Variants in ZNF704 observed in about 807,000 individuals in gnomAD.
ZNF704 encodes zinc finger protein 704.
Under a neutral mutation model 44.7 loss-of-function variants are expected in ZNF704, and 10 were observed. The observed-to-expected ratio is 0.22, with a 90% CI of 0.14 to 0.38. The LOEUF (loss-of-function observed/expected upper bound fraction) is 0.38. Ranked by LOEUF, ZNF704 falls within the 10% of genes least tolerant of loss-of-function variation. The probability of loss-of-function intolerance (pLI) is 1.00; values close to 1 mark genes in which losing one functional copy is unlikely to be tolerated. For synonymous variants in ZNF704, 211 were observed against 207.6 expected (o/e 1.02, Z -0.14); for missense variants, 390 against 545.5 (o/e 0.71, Z 2.84).
At chr8:80,816,017 A>G (rs963406181) in intron 2 of ZNF704, among the ~76,000 whole-genome samples, 2 of 152,164 alleles carry the variant, frequency 1.3e-5, no homozygotes, top group Admixed American at 1.3e-4. Context: ...CTTTCAAAAA[A>G]TTTCACTCTT....
At chr8:80,764,406 C>T (rs1807192024) in intron 2 of ZNF704, among the ~76,000 whole-genome samples, 1 of 152,114 alleles carries the variant, frequency 6.6e-6, no homozygotes, top group Non-Finnish European at 1.5e-5. Flanking sequence ...ATCCCAGATG[C>T]TTATAAAACC....
intron 1 of ZNF704, among the ~76,000 whole-genome samples, chr8:80,828,692 A>G (rs1447249635): frequency 6.6e-6 from 1 of 152,268 alleles, no homozygotes; most frequent in Non-Finnish European, 1.5e-5. Context: ...GGCCATAAGC[A>G]TAAATCATTT....
Position 80,753,252 on chromosome 8 carries a change from A to G in ZNF704, c.222-60145T>C, listed in dbSNP as rs541171988. 3.9e-5 allele frequency among the ~76,000 whole-genome samples: 6 copies of G among 151,952 alleles called. No individual in the cohort carries two copies. The South Asian group carries it at 1.3e-3, about 32-fold the overall frequency. On this transcript the variant is annotated intron_variant, in intron 2 of 8. Transcript: ENST00000327835. ...AACCTGCCCAGGCTCCTGTTTCTAA[A>G]CTCCTCCAGCCAGGAGCGCCTGAGG...
intron 1 of ZNF704, among the ~76,000 whole-genome samples, chr8:80,855,247 T>C (rs899480231): frequency 1.3e-5 from 2 of 152,196 alleles, no homozygotes; most frequent in African/African-American, 4.8e-5. Context: ...TATTGATATA[T>C]GTTCTTGTGT....
chr8:80,771,148 C>T (rs1171548571), intron 2 of ZNF704, among the ~76,000 whole-genome samples: 1 of 152,142 alleles, frequency 6.6e-6, no homozygotes, highest in Admixed American at 6.6e-5. Flanking sequence ...TTTATTCCTC[C>T]TACTTTATTC....
intron 5 of ZNF704, among the ~76,000 whole-genome samples, chr8:80,668,642 G>T (rs1230418773): frequency 6.6e-6 from 1 of 152,218 alleles, no homozygotes. Context: ...ATCAGGACCA[G>T]CCCCTGGTGT....
chr8:80,861,510 G>A (rs1023376048), intron 1 of ZNF704, among the ~76,000 whole-genome samples: 2 of 152,216 alleles, frequency 1.3e-5, no homozygotes, highest in African/African-American at 4.8e-5. Flanking sequence ...AGATTGTGAT[G>A]ATGGCTGCAC....
intron 2 of ZNF704, among the ~76,000 whole-genome samples, chr8:80,747,992 G>A (rs1386383308): frequency 6.6e-6 from 1 of 152,148 alleles, no homozygotes; most frequent in African/African-American, 2.4e-5. Flanking sequence ...CAGGATTACA[G>A]GTGTGAGCCA....
intron 5 of ZNF704, 91 bp from the exon 6 acceptor site, chr8:80,665,173 G>C: frequency 7.1e-7 from 1 of 1,415,682 alleles, no homozygotes; most frequent in Non-Finnish European, 9.7e-7. Flanking sequence ...TGTCTGGAAT[G>C]CTTTTCCTCC....
intron 1 of ZNF704, among the ~76,000 whole-genome samples, chr8:80,856,705 C>T (rs1343975224): frequency 6.6e-6 from 1 of 152,112 alleles, no homozygotes; most frequent in African/African-American, 2.4e-5. Context: ...TTACACAAAT[C>T]CATCTGTCTA....
At chr8:80,653,053 A>T (rs1323725234) in intron 7 of ZNF704, among the ~76,000 whole-genome samples, 1 of 152,162 alleles carries the variant, frequency 6.6e-6, no homozygotes, top group African/African-American at 2.4e-5. Flanking sequence ...TATAAACAGA[A>T]CCAAAGACAA....
At chr8:80,827,203 A>G (rs530986610) in intron 1 of ZNF704, among the ~76,000 whole-genome samples, 1 of 152,364 alleles carries the variant, frequency 6.6e-6, no homozygotes, top group African/African-American at 2.4e-5. Flanking sequence ...AATCTCCTTA[A>G]GCTGATAAGC....
the ZNF704 span, among the ~76,000 whole-genome samples, chr8:80,881,915 G>A: frequency 1.2e-4 from 18 of 152,210 alleles, no homozygotes; most frequent in Middle Eastern, 3.4e-3. Context: ...GCAACAGACC[G>A]AGACTCTGTC....
intron 1 of ZNF704, among the ~76,000 whole-genome samples, chr8:80,854,695 G>A (rs1434878575): frequency 6.6e-6 from 1 of 152,186 alleles, no homozygotes; most frequent in African/African-American, 2.4e-5. Flanking sequence ...GGGAGCAGGA[G>A]TCAGCAAATT....
chr8:80,861,785 G>C (rs1809065356), intron 1 of ZNF704, among the ~76,000 whole-genome samples: 1 of 151,340 alleles, frequency 6.6e-6, no homozygotes, highest in African/African-American at 2.4e-5. Context: ...CTTCTCCACT[G>C]AATTCCAGCC....
Position 80,741,463 on chromosome 8 carries a change from T to C in ZNF704, c.222-48356A>G, listed in dbSNP as rs576171320. 6.6e-4 allele frequency among the ~76,000 whole-genome samples: 100 copies of C among 152,306 alleles called. 2 individuals are homozygous for C. Among genetic ancestry groups the C allele is most frequent in the Admixed American group, 2.7e-3 (41 of 15,306 alleles). On this transcript the variant is annotated intron_variant, in intron 2 of 8. Coordinates refer to ENST00000327835, the MANE Select transcript of ZNF704 (RefSeq NM_001033723.3). ...AAGGGTTGGCCTCATTGTTTACAGG[T>C]AGTGGCAGCAGTAGCAGTCTTAGCC...
At chr8:80,806,372 G>A (rs1807989337) in intron 2 of ZNF704, among the ~76,000 whole-genome samples, 1 of 152,108 alleles carries the variant, frequency 6.6e-6, no homozygotes, top group Admixed American at 6.6e-5. Context: ...AGTCAACACT[G>A]CTCACAACAT....
chr8:80,670,096 A>C (rs1818256079), intron 5 of ZNF704, among the ~76,000 whole-genome samples: 1 of 152,194 alleles, frequency 6.6e-6, no homozygotes, highest in African/African-American at 2.4e-5. Context: ...AGGTAATTTC[A>C]GTGGGTTCAA....
rs189153567 is a variant in ZNF704 at position 80,869,354 on chromosome 8, T to C, written c.-22+5217A>G. On this transcript the variant is annotated intron_variant, in intron 1 of 8. Coordinates refer to ENST00000327835, the MANE Select transcript of ZNF704 (RefSeq NM_001033723.3). ...ACTCTATTCATCTCCCTAGTACATT[T>C]GCTCTCAATGCCTTCAGCTCTTACT... Among the ~76,000 whole-genome samples the C allele has an allele frequency of 2.6e-3, 390 of 152,344 alleles. 3 individuals are homozygous for C. The highest frequency in any genetic ancestry group is 8.9e-3 in the African/African-American group (371 of 41,578).
Sources: gnomAD v4.1 joint callset for allele counts (sites outside exome capture counted in the v4.1 genomes callset) on GRCh38, gnomAD v4.1.1 for gene constraint, MANE v1.5 for transcripts, NCBI Gene and HGNC (gene_info 2026-07-23, HGNC 2026-07-21) for gene names.